The following CSMD1 variants were observed in gnomAD, a reference collection of about 807,000 sequenced individuals.
CSMD1 encodes CUB and Sushi multiple domains 1, also known as CUB and sushi domain-containing protein 1.
In CSMD1, 213 loss-of-function variants were observed where a neutral mutation model predicts 417.5. That is an observed-to-expected ratio of 0.51 (90% CI 0.46 to 0.57). The LOEUF (loss-of-function observed/expected upper bound fraction) is 0.57. Among genes scored for constraint, CSMD1 ranks in the 20% least tolerant of loss-of-function variants. The pLI, the probability that CSMD1 is intolerant of heterozygous loss-of-function variation, is 0.00. For missense variants in CSMD1, 6,923 were observed against 4,529.7 expected, an observed-to-expected ratio of 1.53 and a Z score of -15.17; for synonymous variants, 2,862 against 1,736.8, an observed-to-expected ratio of 1.65 and a Z score of -16.11.
intron 26 of CSMD1, among the ~76,000 whole-genome samples, chr8:3,263,755 A>G (rs983984605): frequency 1.1e-4 from 16 of 152,200 alleles, no homozygotes; most frequent in Non-Finnish European, 2.4e-4. Flanking sequence ...TGTAAAGTCA[A>G]CTAACTTTCT....
chr8:3,440,138 C>T (rs938025192), intron 12 of CSMD1, among the ~76,000 whole-genome samples: 15 of 152,186 alleles, frequency 9.9e-5, no homozygotes, highest in Non-Finnish European at 1.8e-4. Context: ...TATTCCAGTT[C>T]CTCTACATTT....
chr8:4,762,962 T>A (rs1394036394), intron 1 of CSMD1, among the ~76,000 whole-genome samples: 3 of 152,154 alleles, frequency 2.0e-5, no homozygotes, highest in Admixed American at 2.0e-4. Flanking sequence ...TTTCTCAATA[T>A]CTGGTGGCGT....
intron 5 of CSMD1, among the ~76,000 whole-genome samples, chr8:3,937,347 C>T (rs1810565835): frequency 6.6e-6 from 1 of 152,068 alleles, no homozygotes; most frequent in South Asian, 2.1e-4. Flanking sequence ...AGAAATATTT[C>T]ATTAAAGGAG....
At chr8:3,882,591 T>C (rs1188211327) in intron 5 of CSMD1, among the ~76,000 whole-genome samples, 1 of 152,208 alleles carries the variant, frequency 6.6e-6, no homozygotes, top group Non-Finnish European at 1.5e-5. Flanking sequence ...AGAATGTTCA[T>C]AGTAGCACTA....
intron 3 of CSMD1, among the ~76,000 whole-genome samples, chr8:4,192,071 T>C (rs73512858): frequency 0.038 from 5,720 of 152,142 alleles, 352 homozygotes; most frequent in African/African-American, 0.13. Context: ...TCAATAGCCA[T>C]TACAGACAAA....
At position 3,997,927 on chromosome 8, in the gene CSMD1, C is replaced by A; in HGVS notation, c.794G>T (p.Ser265Ile). 6.2e-7 allele frequency: 1 copy of A among 1,612,446 alleles called. No homozygotes were observed. Among genetic ancestry groups the A allele is most frequent in the Non-Finnish European group, 8.5e-7 (1 of 1,179,256 alleles). Residue 265 changes from serine to isoleucine, a missense_variant, in exon 5 of 70, where the codon AGT becomes ATT. By Grantham distance (142) the Ser-to-Ile change is moderately radical (BLOSUM62 -2). Transcript: ENST00000635120. ...CCATATGGATGGAGCTTCCGTGCCA[C>A]TGATCTCTAAGAAATCATATCCTTC... ...LEEGYDFLEI[S>I]GTEAPSIWLT...
chr8:4,600,616 T>C (rs1230946899), intron 2 of CSMD1, among the ~76,000 whole-genome samples: 1 of 152,230 alleles, frequency 6.6e-6, no homozygotes, highest in Non-Finnish European at 1.5e-5. Context: ...TCAAACCTTA[T>C]TTGTGAAATT....
At chr8:4,678,170 G>A (rs1181953442) in intron 1 of CSMD1, among the ~76,000 whole-genome samples, 3 of 152,006 alleles carry the variant, frequency 2.0e-5, no homozygotes, top group Non-Finnish European at 2.9e-5. Flanking sequence ...CAGTGCTTTA[G>A]GAGGCTGAGG....
intron 12 of CSMD1, among the ~76,000 whole-genome samples, chr8:3,461,420 C>T (rs1035712833): frequency 6.6e-6 from 1 of 152,200 alleles, no homozygotes; most frequent in Non-Finnish European, 1.5e-5. Flanking sequence ...AATGCTGTGT[C>T]AGTCCCCAGA....
At chr8:4,042,472 G>A (rs974814924) in intron 3 of CSMD1, among the ~76,000 whole-genome samples, 5 of 151,908 alleles carry the variant, frequency 3.3e-5, no homozygotes, top group Non-Finnish European at 7.4e-5. Context: ...CAATATCACA[G>A]GGTAGAGAAA....
chr8:4,282,837 C>A (rs1796861244), intron 3 of CSMD1, among the ~76,000 whole-genome samples: 1 of 152,122 alleles, frequency 6.6e-6, no homozygotes. Context: ...AAGCATCATT[C>A]AGAATCTGAC....
At chr8:4,182,830 T>C (rs562382238) in intron 3 of CSMD1, among the ~76,000 whole-genome samples, 35 of 152,242 alleles carry the variant, frequency 2.3e-4, no homozygotes, top group Admixed American at 5.2e-4. Context: ...ATTATAAGGG[T>C]CATTCTAATT....
intron 3 of CSMD1, among the ~76,000 whole-genome samples, chr8:4,308,773 T>C (rs1563429124): frequency 6.6e-6 from 1 of 152,200 alleles, no homozygotes; most frequent in Non-Finnish European, 1.5e-5. Flanking sequence ...TGACTAAAGA[T>C]TATTTACAAA....
At chr8:4,169,555 T>C (rs1400743932) in intron 3 of CSMD1, among the ~76,000 whole-genome samples, 3 of 152,178 alleles carry the variant, frequency 2.0e-5, no homozygotes, top group Admixed American at 2.0e-4. Context: ...CTCATGTTAC[T>C]TTTCTCATAT....
At chr8:3,606,771 C>T (rs138175078) in intron 8 of CSMD1, among the ~76,000 whole-genome samples, 8 of 150,388 alleles carry the variant, frequency 5.3e-5, no homozygotes, top group African/African-American at 9.8e-5. Context: ...GGTACAGTGG[C>T]GTGATCTCCA....
At position 4,616,533 on chromosome 8, in the gene CSMD1, C is replaced by G. The variant is rs73659173; in HGVS notation, c.302+20809G>C. ...CACCAAATACAAAGACTTTCTCATTCTCTCATGCCAGCAATACATCAGTTA... is the reference window on the plus strand; with the variant it reads ...CACCAAATACAAAGACTTTCTCATTGTCTCATGCCAGCAATACATCAGTTA... On this transcript the variant is annotated intron_variant, in intron 2 of 69. Coordinates refer to ENST00000635120, the MANE Select transcript of CSMD1 (RefSeq NM_033225.6). 6.5e-3 allele frequency among the ~76,000 whole-genome samples: 987 copies of G among 152,318 alleles called. 11 individuals are homozygous for G. Among genetic ancestry groups the G allele is most frequent in the African/African-American group, 0.023 (943 of 41,570 alleles).
At chr8:4,360,492 TC>T (rs529382487) in intron 3 of CSMD1, among the ~76,000 whole-genome samples, 1 of 152,264 alleles carries the variant, frequency 6.6e-6, no homozygotes, top group South Asian at 2.1e-4. Context: ...TACTTCCTGT[TC>T]CTCCCAGGTT....
chr8:3,065,011 T>A (rs1182315218), intron 49 of CSMD1, among the ~76,000 whole-genome samples: 1 of 152,120 alleles, frequency 6.6e-6, no homozygotes, highest in Non-Finnish European at 1.5e-5. Context: ...AGTTTGCCCA[T>A]GCTTCCTTCT....
At chr8:4,735,190 C>T (rs539165776) in intron 1 of CSMD1, among the ~76,000 whole-genome samples, 1 of 152,318 alleles carries the variant, frequency 6.6e-6, no homozygotes, top group South Asian at 2.1e-4. Flanking sequence ...ATGCCCCCTT[C>T]TCTTTCAGAA....
Sources: gnomAD v4.1 joint callset for allele counts (sites outside exome capture counted in the v4.1 genomes callset) on GRCh38, gnomAD v4.1.1 for gene constraint, MANE v1.5 for transcripts, NCBI Gene and HGNC (gene_info 2026-07-23, HGNC 2026-07-21) for gene names.